The following LRP6 variants were observed in gnomAD, a reference collection of about 807,000 sequenced individuals.
LRP6 encodes the protein low-density lipoprotein receptor-related protein 6.
A neutral mutation model predicts 184.1 loss-of-function variants in LRP6; 43 were observed. The observed-to-expected ratio is 0.23, with a 90% CI of 0.18 to 0.30. The LOEUF (loss-of-function observed/expected upper bound fraction) is 0.30. LRP6 is among the 10% of genes least tolerant of loss of function. The pLI, the probability that LRP6 is intolerant of heterozygous loss-of-function variation, is 1.00. For missense variants in LRP6, 1,571 were observed against 2,005.3 expected, an observed-to-expected ratio of 0.78 and a Z score of 4.14; for synonymous variants, 719 against 684.9, an observed-to-expected ratio of 1.05 and a Z score of -0.78.
intron 15 of LRP6, among the ~76,000 whole-genome samples, chr12:12,142,912 C>A (rs1412260053): frequency 6.6e-6 from 1 of 151,900 alleles, no homozygotes; most frequent in East Asian, 1.9e-4. Context: ...ACAACAACAA[C>A]AAAAAAGGAT....
intron 9 of LRP6, 126 bp from the exon 10 acceptor site, chr12:12,162,545 A>G (rs1862766561): frequency 1.3e-6 from 1 of 755,192 alleles, no homozygotes; most frequent in Non-Finnish European, 2.3e-6. Flanking sequence ...ACTATTTCCT[A>G]TTAAAATTCA....
chr12:12,235,421 T>G (rs1416602726), intron 2 of LRP6, among the ~76,000 whole-genome samples: 1 of 152,126 alleles, frequency 6.6e-6, no homozygotes, highest in Non-Finnish European at 1.5e-5. Flanking sequence ...TGAGAGGTAC[T>G]AAACTAAATA....
chr12:12,190,941 A>G (rs1453544825), intron 3 of LRP6, among the ~76,000 whole-genome samples: 1 of 152,248 alleles, frequency 6.6e-6, no homozygotes, highest in Non-Finnish European at 1.5e-5. Context: ...CAACATTCAC[A>G]ACAAAGCTAG....
At chr12:12,158,731 T>G in intron 12 of LRP6, 98 bp downstream of exon 12, 2 of 1,202,842 alleles carry the variant, frequency 1.7e-6, no homozygotes, top group Non-Finnish European at 2.4e-6. Context: ...CCCTCTGGAT[T>G]TCCACACTAT....
intron 13 of LRP6, 105 bp from the exon 14 acceptor site, chr12:12,149,258 C>T: frequency 2.3e-6 from 2 of 874,792 alleles, no homozygotes; most frequent in Non-Finnish European, 3.9e-6. Context: ...GCTGAGAAGG[C>T]TCTCTCAAGT....
intron 7 of LRP6, among the ~76,000 whole-genome samples, chr12:12,178,876 C>A (rs897499892): frequency 6.6e-6 from 1 of 152,170 alleles, no homozygotes; most frequent in Admixed American, 6.5e-5. Context: ...GCCTTGAAGT[C>A]ATTATTCCCT....
intron 13 of LRP6, among the ~76,000 whole-genome samples, chr12:12,150,093 G>A (rs561001290): frequency 2.6e-5 from 4 of 152,166 alleles, no homozygotes; most frequent in East Asian, 3.9e-4. Flanking sequence ...TACAACTTAC[G>A]ATCACTGCTA....
intron 2 of LRP6, among the ~76,000 whole-genome samples, chr12:12,230,362 TG>T (rs1305810235): frequency 1.3e-5 from 2 of 152,200 alleles, no homozygotes; most frequent in Non-Finnish European, 2.9e-5. Context: ...AGCCCTAATT[TG>T]GTAAGTATAC....
rs1296464607 is a variant in LRP6, at chr12:12,180,098, A to AG, written c.1374-118dup. ...TGGTATCATCAGTTAATGCCAAGGA[A>AG]GGGGAAAAAAAAAAAAACATATGAA... is the stretch of plus-strand genomic sequence containing the variant. On this transcript the variant is annotated intron_variant, in intron 6 of 22. Coordinates refer to ENST00000261349, the MANE Select transcript of LRP6 (RefSeq NM_002336.3). 39 of 760,910 alleles carry AG rather than the reference A, an allele frequency of 5.1e-5. No individual in the cohort carries two copies. The African/African-American group carries it at 5.9e-4, about 11-fold the overall frequency. The allele number at this position is 760,910 out of a possible 1,614,324, so 47.1% of individuals were successfully genotyped here. A position where few individuals can be genotyped will look rare whatever the true frequency, so the allele number is the denominator to read the frequency against.
intron 12 of LRP6, among the ~76,000 whole-genome samples, chr12:12,152,756 C>A (rs1231985205): frequency 2.0e-5 from 3 of 152,128 alleles, no homozygotes; most frequent in Non-Finnish European, 2.9e-5. Flanking sequence ...CATAAATAGC[C>A]AAGCCACGAC....
At chr12:12,165,389 AAG>A in intron 7 of LRP6, 94 bp from the exon 8 acceptor site, 2 of 869,594 alleles carry the variant, frequency 2.3e-6, no homozygotes, top group South Asian at 1.3e-5. Flanking sequence ...ATAAAAATCC[AAG>A]AGTCATCTTG....
At chr12:12,254,143 C>CAAAAAAAAAAA (rs34210761) in intron 1 of LRP6, among the ~76,000 whole-genome samples, 9 of 74,350 alleles carry the variant, frequency 1.2e-4, no homozygotes, top group Non-Finnish European at 2.1e-4. Flanking sequence ...GACTCTGTCT[C>CAAAAAAAAAAA]AAAAAAAAAA....
chr12:12,218,961 G>A (rs941396920), intron 2 of LRP6, among the ~76,000 whole-genome samples: 2 of 152,094 alleles, frequency 1.3e-5, no homozygotes, highest in Admixed American at 1.3e-4. Flanking sequence ...ATGTGGGGCT[G>A]GGTGTGGTTG....
intron 3 of LRP6, among the ~76,000 whole-genome samples, chr12:12,200,128 C>G (rs1591940144): frequency 6.6e-6 from 1 of 152,118 alleles, no homozygotes; most frequent in African/African-American, 2.4e-5. Flanking sequence ...ATACTGTGGT[C>G]TGTCAAACTT....
chr12:12,256,817 A>AT (rs992505618), intron 1 of LRP6, among the ~76,000 whole-genome samples: 2 of 152,144 alleles, frequency 1.3e-5, no homozygotes, highest in Admixed American at 1.3e-4. Context: ...AAAAAAACAG[A>AT]TTTTTTTAAC....
intron 2 of LRP6, among the ~76,000 whole-genome samples, chr12:12,229,534 T>A (rs1474335356): frequency 6.6e-6 from 1 of 152,208 alleles, no homozygotes; most frequent in Non-Finnish European, 1.5e-5. Context: ...GGTGTGCAAA[T>A]ATTAAGGAGC....
At chr12:12,217,581 G>A (rs770835776) in intron 2 of LRP6, among the ~76,000 whole-genome samples, 2 of 152,128 alleles carry the variant, frequency 1.3e-5, no homozygotes, top group East Asian at 1.9e-4. Flanking sequence ...ACTGCTTTAC[G>A]AGACACTCTT....
intron 8 of LRP6, 123 bp downstream of exon 8, chr12:12,164,943 AAAAAAAAAAAAAG>A: frequency 4.6e-6 from 2 of 433,380 alleles, no homozygotes; most frequent in African/African-American, 2.7e-5. Flanking sequence ...AAAAAAAAAA[AAAAAAAAAAAAAG>A]GCGGGGGGGC....
chr12:12,253,135 G>T (rs371784144), intron 1 of LRP6, among the ~76,000 whole-genome samples: 1 of 152,098 alleles, frequency 6.6e-6, no homozygotes, highest in East Asian at 1.9e-4. Context: ...GTGGTGGCGC[G>T]TGCCTGTAAT....
Sources: gnomAD v4.1 joint callset for allele counts (sites outside exome capture counted in the v4.1 genomes callset) on GRCh38, gnomAD v4.1.1 for gene constraint, MANE v1.5 for transcripts, NCBI Gene and HGNC (gene_info 2026-07-23, HGNC 2026-07-21) for gene names.